RYR2: variants seen among roughly 807,000 people sequenced by gnomAD.
RYR2 encodes the protein cardiac muscle ryanodine receptor-calcium release channel.
In RYR2, 227 loss-of-function variants were observed where a neutral mutation model predicts 601.1. That is an observed-to-expected ratio of 0.38 (90% CI 0.34 to 0.42). The LOEUF is 0.42. Among genes scored for constraint, RYR2 ranks in the 10% least tolerant of loss-of-function variants. The pLI, the probability that RYR2 is intolerant of heterozygous loss-of-function variation, is 1.00. For synonymous variants in RYR2, 2,223 were observed against 2,175.1 expected (o/e 1.02, Z -0.61); for missense variants, 4,646 against 6,156.5 (o/e 0.75, Z 8.21).
At chr1:237,052,853 T>C (rs1435437061) in intron 1 of RYR2, among the ~76,000 whole-genome samples, 1 of 152,056 alleles carries the variant, frequency 6.6e-6, no homozygotes, top group Non-Finnish European at 1.5e-5. Flanking sequence ...TTTATTTCAT[T>C]TATTTATTTA....
intron 51 of RYR2, 116 bp from the exon 52 acceptor site, chr1:237,654,158 A>C (rs1190491522): frequency 2.4e-6 from 3 of 1,258,900 alleles, no homozygotes; most frequent in Non-Finnish European, 3.3e-6. Context: ...GGGATTGGGC[A>C]ATTTCACTTC....
intron 41 of RYR2, among the ~76,000 whole-genome samples, chr1:237,628,698 T>C (rs1415631966): frequency 1.3e-5 from 2 of 152,154 alleles, no homozygotes; most frequent in African/African-American, 4.8e-5. Context: ...TCAGTGTTTT[T>C]TTTTAAGTCT....
Position 237,493,699 on chromosome 1 carries a change from G to A in RYR2, c.1961+612G>A, listed in dbSNP as rs558461038. On this transcript the variant is annotated intron_variant, in intron 19 of 104. Transcript: ENST00000366574. ...GAACTCCTGACCTCGTGATCTGCCCGCCTTGGCCTCCCAAAATGCTGGGAT... is the reference window on the plus strand; with the variant it reads ...GAACTCCTGACCTCGTGATCTGCCCACCTTGGCCTCCCAAAATGCTGGGAT... Among the ~76,000 whole-genome samples, 18 of 152,268 alleles carry A rather than the reference G, an allele frequency of 1.2e-4. 1 individual carries two copies. Among genetic ancestry groups the A allele is most frequent in the East Asian group, 5.8e-4 (3 of 5,168 alleles).
At chr1:237,142,349 C>G (rs1452471148) in intron 1 of RYR2, among the ~76,000 whole-genome samples, 1 of 152,182 alleles carries the variant, frequency 6.6e-6, no homozygotes, top group Non-Finnish European at 1.5e-5. Context: ...TGGTAATATC[C>G]CAATGCCCTA....
rs892365567 is a variant in RYR2, at chr1:237,104,050, C to T, written c.48+61481C>T. On this transcript the variant is annotated intron_variant, in intron 1 of 104. Coordinates refer to ENST00000366574, the MANE Select transcript of RYR2 (RefSeq NM_001035.3). ...TATTTAGTTGCTTGTGGCCAAAACC[C>T]GCCTTCACTGCAAATGCATCGGTTC... Among the ~76,000 whole-genome samples the T allele has an allele frequency of 3.3e-5, 5 of 152,110 alleles. No homozygotes were observed. The South Asian group carries it at 1.0e-3, about 32-fold the overall frequency.
At chr1:237,807,495 G>A in intron 99 of RYR2, among the ~76,000 whole-genome samples, 1 of 152,178 alleles carries the variant, frequency 6.6e-6, no homozygotes, top group East Asian at 1.9e-4. Context: ...GGGATTATAG[G>A]CGCGTGCCAC....
At chr1:237,181,873 G>T (rs973284566) in intron 1 of RYR2, among the ~76,000 whole-genome samples, 5 of 152,102 alleles carry the variant, frequency 3.3e-5, no homozygotes, top group African/African-American at 1.2e-4. Flanking sequence ...GATTAGTTCC[G>T]TGATGGTTAA....
chr1:237,306,852 T>C (rs1028832915), intron 2 of RYR2, among the ~76,000 whole-genome samples: 2 of 152,184 alleles, frequency 1.3e-5, no homozygotes, highest in Non-Finnish European at 2.9e-5. Context: ...AATCAAGCCT[T>C]ATTTGGGCCT....
intron 1 of RYR2, among the ~76,000 whole-genome samples, chr1:237,258,148 A>T (rs192652114): frequency 4.4e-4 from 65 of 148,984 alleles, no homozygotes; most frequent in African/African-American, 1.5e-3. Context: ...AGCCTGGGTG[A>T]CAAAAGTAAG....
chr1:237,762,757 A>G (rs368959308), intron 84 of RYR2, among the ~76,000 whole-genome samples: 1 of 152,248 alleles, frequency 6.6e-6, no homozygotes, highest in Non-Finnish European at 1.5e-5. Context: ...ATAAGAAAAT[A>G]ATTACTCAAA....
intron 21 of RYR2, among the ~76,000 whole-genome samples, chr1:237,502,746 G>T (rs1038493577): frequency 6.6e-6 from 1 of 151,838 alleles, no homozygotes; most frequent in Admixed American, 6.6e-5. Flanking sequence ...GGTACCTGTC[G>T]TGGCCTGGGG....
intron 2 of RYR2, among the ~76,000 whole-genome samples, chr1:237,314,737 T>C (rs2149503324): frequency 6.6e-6 from 1 of 152,320 alleles, no homozygotes; most frequent in Admixed American, 6.5e-5. Context: ...TGCTCCTCAC[T>C]TGTCTTTGTG....
intron 36 of RYR2, among the ~76,000 whole-genome samples, chr1:237,613,623 A>G (rs766477827): frequency 6.6e-6 from 1 of 152,180 alleles, no homozygotes; most frequent in Non-Finnish European, 1.5e-5. Context: ...AATTTGTAGA[A>G]CATCTAGAAA....
intron 73 of RYR2, among the ~76,000 whole-genome samples, chr1:237,721,789 G>T: frequency 6.6e-6 from 1 of 151,964 alleles, no homozygotes; most frequent in South Asian, 2.1e-4. Flanking sequence ...CAAAGTGCTG[G>T]GATTACAGGA....
At chr1:237,682,592 C>A (rs972929191) in intron 62 of RYR2, among the ~76,000 whole-genome samples, 1 of 152,026 alleles carries the variant, frequency 6.6e-6, no homozygotes, top group African/African-American at 2.4e-5. Context: ...TAGGCTATAC[C>A]ATTTAGGTTT....
intron 1 of RYR2, among the ~76,000 whole-genome samples, chr1:237,175,003 T>C (rs1330625832): frequency 1.3e-5 from 2 of 152,248 alleles, no homozygotes; most frequent in Admixed American, 1.3e-4. Flanking sequence ...CGTGTTATTA[T>C]GAGTCAACCT....
At chr1:237,498,622 C>T (rs1304951045) in intron 20 of RYR2, among the ~76,000 whole-genome samples, 1 of 150,188 alleles carries the variant, frequency 6.7e-6, no homozygotes, top group African/African-American at 2.4e-5. Flanking sequence ...TTCATTTAGT[C>T]TCTCCATACA....
At position 237,829,406 on chromosome 1, in the gene RYR2, G is replaced by A. The variant is rs556371927; in HGVS notation, c.14655+961G>A. On this transcript the variant is annotated intron_variant, in intron 102 of 104. Coordinates refer to ENST00000366574, the MANE Select transcript of RYR2 (RefSeq NM_001035.3). ...TCCATCTAGTTTCTGCATCCTCAGC[G>A]AGGGACTTGGTGACTGACCAAATGG... Among the ~76,000 whole-genome samples, 7 of 152,264 alleles carry A rather than the reference G, an allele frequency of 4.6e-5. No individual in the cohort carries two copies. In the South Asian group the frequency reaches 8.3e-4, roughly 18 times the overall value.
At chr1:237,383,651 G>A (rs529981447) in intron 8 of RYR2, among the ~76,000 whole-genome samples, 8 of 151,804 alleles carry the variant, frequency 5.3e-5, no homozygotes, top group African/African-American at 7.3e-5. Flanking sequence ...GGATGGTCTC[G>A]ATCTCCTGAC....
Sources: allele counts gnomAD v4.1 joint callset (sites outside exome capture counted in the v4.1 genomes callset), GRCh38; gene constraint gnomAD v4.1.1; transcripts MANE v1.5; gene names NCBI Gene and HGNC (gene_info 2026-07-23, HGNC 2026-07-21).